Variants in ACIN1 observed in about 807,000 individuals in gnomAD.
ACIN1 encodes apoptotic chromatin condensation inducer 1, also known as apoptotic chromatin condensation inducer in the nucleus.
Under a neutral mutation model 146.6 loss-of-function variants are expected in ACIN1, and 16 were observed. The observed-to-expected ratio is 0.11, with a 90% CI of 0.07 to 0.17. The LOEUF (loss-of-function observed/expected upper bound fraction) is 0.17. Among genes scored for constraint, ACIN1 ranks in the 10% least tolerant of loss-of-function variants. ACIN1 has a pLI of 1.00. For missense variants in ACIN1, 1,357 were observed against 1,609.3 expected (o/e 0.84, Z 2.68); for synonymous variants, 569 against 582.7 (o/e 0.98, Z 0.34).
At chr14:23,089,895 G>A (rs2048183397) in intron 4 of ACIN1, 87 bp downstream of exon 4, 1 of 1,389,552 alleles carries the variant, frequency 7.2e-7, no homozygotes, top group South Asian at 1.7e-5. Context: ...CTTTCATGGA[G>A]GCTTAGCATG....
intron 18 of ACIN1, among the ~76,000 whole-genome samples, chr14:23,059,956 GTT>G (rs397830741): frequency 1.4e-3 from 144 of 100,130 alleles, no homozygotes; most frequent in African/African-American, 5.5e-3. Context: ...CGCCCCGCCA[GTT>G]TTTTTTTTTT....
intron 4 of ACIN1, among the ~76,000 whole-genome samples, chr14:23,085,555 C>G (rs2048069604): frequency 6.6e-6 from 1 of 152,102 alleles, no homozygotes; most frequent in Admixed American, 6.6e-5. Context: ...TCAAAGAGAT[C>G]TGGAGAAATG....
At chr14:23,080,894 G>T (rs2047927267) in intron 5 of ACIN1, 85 bp from the exon 6 acceptor site, 1 of 1,510,194 alleles carries the variant, frequency 6.6e-7, no homozygotes, top group Non-Finnish European at 8.8e-7. Flanking sequence ...GACACCCCTA[G>T]GAAGGAGAAA....
chr14:23,095,335 C>T (rs189677734), upstream of ACIN1: 37 of 1,548,840 alleles, frequency 2.4e-5, no homozygotes, highest in Non-Finnish European at 3.1e-5. Context: ...CCTTTTCTCG[C>T]CCTGCTTTCA....
Position 23,058,640 on chromosome 14 carries a change from T to A in ACIN1, c.*508A>T, listed in dbSNP as rs952168632. ...ATAATAAAAAAAATAAAAATAAAAA[T>A]TGAACAAAAGGAAAAGGTGGATATA... On this transcript the variant is annotated 3_prime_UTR_variant, in exon 19 of 19. Transcript: ENST00000605057. 3.9e-5 allele frequency: 6 copies of A among 155,802 alleles called. No homozygotes were observed. Among genetic ancestry groups the A allele is most frequent in the African/African-American group, 1.4e-4 (6 of 41,496 alleles). The allele number at this position is 155,802 out of a possible 1,614,324, so 9.7% of individuals were successfully genotyped here. A position where few individuals can be genotyped will look rare whatever the true frequency, so the allele number is the denominator to read the frequency against.
intron 8 of ACIN1, among the ~76,000 whole-genome samples, chr14:23,072,471 C>T (rs2047687986): frequency 6.6e-6 from 1 of 152,104 alleles, no homozygotes; most frequent in African/African-American, 2.4e-5. Flanking sequence ...ATCAGCTGGG[C>T]AGAAAGCGAC....
At chr14:23,064,955 T>C (rs142141206) in intron 10 of ACIN1, among the ~76,000 whole-genome samples, 2 of 151,516 alleles carry the variant, frequency 1.3e-5, no homozygotes, top group Non-Finnish European at 2.9e-5. Context: ...GGCTTCAGAC[T>C]GAACACTGAT....
At chr14:23,091,626 A>AT (rs149184878) in intron 2 of ACIN1, among the ~76,000 whole-genome samples, 2,921 of 137,888 alleles carry the variant, frequency 0.021, 44 homozygotes, top group African/African-American at 0.039. Context: ...TCCAGGAAAC[A>AT]TTTTTTTTTT....
chr14:23,073,298 CCTAA>C (rs1186717434), intron 8 of ACIN1, among the ~76,000 whole-genome samples: 27 of 152,310 alleles, frequency 1.8e-4, no homozygotes, highest in African/African-American at 5.5e-4. Flanking sequence ...AGTAATGTTC[CCTAA>C]CTATTTCTGA....
At chr14:23,091,689 T>C (rs1269697921) in intron 2 of ACIN1, among the ~76,000 whole-genome samples, 1 of 150,452 alleles carries the variant, frequency 6.6e-6, no homozygotes, top group African/African-American at 2.5e-5. Context: ...AATGGCGCGA[T>C]CTTGGCTTGC....
intron 16 of ACIN1, 86 bp from the exon 17 acceptor site, chr14:23,061,708 T>C: frequency 1.2e-5 from 15 of 1,251,672 alleles, no homozygotes; most frequent in Non-Finnish European, 1.5e-5. Flanking sequence ...GCGCGGTGGC[T>C]CACGCCTGTA....
At chr14:23,087,723 T>A (rs1458092451) in intron 4 of ACIN1, among the ~76,000 whole-genome samples, 1 of 152,038 alleles carries the variant, frequency 6.6e-6, no homozygotes, top group African/African-American at 2.4e-5. Flanking sequence ...AAAACCCTCA[T>A]ACTTACTGGC....
Position 23,061,602 on chromosome 14 carries a change from G to C in ACIN1, c.3120C>G (p.Leu1040=), listed in dbSNP as rs1327096083. The change falls in exon 17 of 19, where the codon CTC becomes CTG. Residue 1040 remains leucine, a synonymous_variant. Transcript: ENST00000605057. ...EQDELDYHRG[L]LVDRPSETKT... is the part of the protein sequence containing the mutation. Reference sequence around the variant, plus strand: ...TAGTTTCAGAGGGACGGTCCACCAAGAGGCCTCGGTGATAATCCAGCTGTG... The same window carrying C: ...TAGTTTCAGAGGGACGGTCCACCAACAGGCCTCGGTGATAATCCAGCTGTG... 1 of 1,542,284 alleles carries C rather than the reference G, an allele frequency of 6.5e-7. No individual in the cohort carries two copies. The highest frequency in any genetic ancestry group is 1.4e-5 in the African/African-American group (1 of 73,164).
chr14:23,067,893 G>A lies in ACIN1; in HGVS notation c.2265+1583C>T, dbSNP rs2047509963. The A allele has an allele frequency of 1.0e-6, 1 of 985,850 alleles. No homozygotes were observed. The highest frequency in any genetic ancestry group is 1.7e-5 in the African/African-American group (1 of 57,336). The allele number at this position is 985,850 out of a possible 1,614,324, so 61.1% of individuals were successfully genotyped here. A position where few individuals can be genotyped will look rare whatever the true frequency, so the allele number is the denominator to read the frequency against. Reference sequence around the variant, plus strand: ...GGGTAGGTGAATACCCCAGGACCTGGCAGACATTCAGCAGCAAGGTCAGAA... The same window carrying A: ...GGGTAGGTGAATACCCCAGGACCTGACAGACATTCAGCAGCAAGGTCAGAA... On this transcript the variant is annotated intron_variant, in intron 9 of 18. Transcript: ENST00000605057. The surrounding 1 kb of genome is among the most constrained non-coding windows in gnomAD (Gnocchi z 4.6).
intron 18 of ACIN1, among the ~76,000 whole-genome samples, chr14:23,060,582 T>C (rs2047245170): frequency 1.3e-5 from 2 of 152,036 alleles, no homozygotes; most frequent in Non-Finnish European, 2.9e-5. Context: ...GCACGGTCTC[T>C]GCTCACTGCA....
chr14:23,060,812 A>T (rs1195277308), intron 18 of ACIN1, among the ~76,000 whole-genome samples: 1 of 152,186 alleles, frequency 6.6e-6, no homozygotes, highest in Non-Finnish European at 1.5e-5. Context: ...CGCACGGCCT[A>T]AAATCAAGTT....
At position 23,093,481 on chromosome 14, in the gene ACIN1, G is replaced by C; in HGVS notation, c.202C>G (p.Gln68Glu). 6.2e-7 allele frequency: 1 copy of C among 1,613,700 alleles called. No individual in the cohort carries two copies. The highest frequency in any genetic ancestry group is 8.5e-7 in the Non-Finnish European group (1 of 1,179,662). Residue 68 changes from glutamine to glutamate, a missense_variant and splice_region_variant, in exon 2 of 19, where the codon CAG (glutamine) becomes GAG (glutamate). Physicochemically the swap from Gln to Glu is conservative, Grantham distance 29. Transcript: ENST00000605057. Reference protein sequence around the residue: ...TPHAAFQPNSQIGEEMSQNSF... With the variant: ...TPHAAFQPNSEIGEEMSQNSF... ...ATTGAATACACCTTCTTTCTCACCT[G>C]GGAATTTGGCTGGAATGCAGCATGG... is the stretch of plus-strand genomic sequence containing the variant.
At chr14:23,069,195 GATA>G in intron 9 of ACIN1, 1 of 1,133,366 alleles carries the variant, frequency 8.8e-7, no homozygotes, top group African/African-American at 1.6e-5. Context: ...ATAAATCTTA[GATA>G]AAGGGCCATT....
intron 4 of ACIN1, among the ~76,000 whole-genome samples, chr14:23,088,737 A>G (rs1055724096): frequency 2.0e-5 from 3 of 152,240 alleles, no homozygotes; most frequent in Non-Finnish European, 4.4e-5. Context: ...TATACATATT[A>G]AGTATCCCTT....
Sources: gnomAD v4.1 joint callset for allele counts (sites outside exome capture counted in the v4.1 genomes callset) on GRCh38, gnomAD v4.1.1 for gene constraint, Gnocchi (gnomAD v3.1) non-coding constraint, MANE v1.5 for transcripts, NCBI Gene and HGNC (gene_info 2026-07-23, HGNC 2026-07-21) for gene names.